CNTN3: variants seen among roughly 807,000 people sequenced by gnomAD.
The protein encoded by CNTN3 is contactin 3.
Under a neutral mutation model 119.1 loss-of-function variants are expected in CNTN3, and 60 were observed. The ratio of observed to expected loss-of-function variants is 0.50; its 90% CI spans 0.41 to 0.62. The LOEUF is 0.62. Ranked by LOEUF, CNTN3 falls within the 20% of genes least tolerant of loss-of-function variation. The probability of loss-of-function intolerance (pLI) is 0.00; values close to 1 mark genes in which losing one functional copy is unlikely to be tolerated. For missense variants in CNTN3, 1,101 were observed against 1,242.4 expected (o/e 0.89, Z 1.71); for synonymous variants, 450 against 438.7 (o/e 1.03, Z -0.32).
At chr3:74,295,361 C>T (rs1702317756) in intron 18 of CNTN3, 125 bp from the exon 19 acceptor site, 9 of 564,130 alleles carry the variant, frequency 1.6e-5, no homozygotes. Context: ...TATTCTGGCA[C>T]CATATGTTGA....
chr3:74,548,923 G>A (rs895481852), intron 1 of CNTN3, among the ~76,000 whole-genome samples: 1 of 152,134 alleles, frequency 6.6e-6, no homozygotes, highest in Non-Finnish European at 1.5e-5. Flanking sequence ...TCTTACCCTA[G>A]GGATATGGTA....
At chr3:74,425,030 AT>A in intron 4 of CNTN3, 90 bp from the exon 5 acceptor site, 1 of 845,058 alleles carries the variant, frequency 1.2e-6, no homozygotes, top group Non-Finnish European at 1.8e-6. Context: ...TTAGAAAACA[AT>A]TTTAGTTTTT....
chr3:74,450,845 T>C (rs1702139545), intron 4 of CNTN3, among the ~76,000 whole-genome samples: 1 of 152,002 alleles, frequency 6.6e-6, no homozygotes, highest in Non-Finnish European at 1.5e-5. Flanking sequence ...CATGAACTCA[T>C]CATTTTTTAT....
rs182111316 is a variant in CNTN3, at chr3:74,536,025, A to T, written c.-80-14833T>A. Among the ~76,000 whole-genome samples, 358 of 152,224 alleles carry T rather than the reference A, an allele frequency of 2.4e-3. 3 individuals carry two copies. Among genetic ancestry groups the T allele is most frequent in the African/African-American group, 7.6e-3 (314 of 41,548 alleles). On this transcript the variant is annotated intron_variant, in intron 1 of 22. Transcript: ENST00000263665. ...CCTCTATTCAGGAATAAAATTTTTT[A>T]AAAAAATTTCTTACTCTTTTTACTG...
At chr3:74,534,886 T>G (rs1192203814) in intron 1 of CNTN3, among the ~76,000 whole-genome samples, 2 of 151,984 alleles carry the variant, frequency 1.3e-5, no homozygotes, top group African/African-American at 4.8e-5. Flanking sequence ...TTAAACCTCT[T>G]TAGACTTTAA....
At chr3:74,480,441 G>A (rs7431887) in intron 4 of CNTN3, among the ~76,000 whole-genome samples, 18,954 of 151,944 alleles carry the variant, frequency 0.12, 1,176 homozygotes, top group Non-Finnish European at 0.13. Flanking sequence ...GGTGGTGGTA[G>A]GAGAGTGTTG....
At chr3:74,562,834 C>T (rs1237493884) in intron 1 of CNTN3, among the ~76,000 whole-genome samples, 2 of 151,894 alleles carry the variant, frequency 1.3e-5, no homozygotes, top group African/African-American at 4.8e-5. Flanking sequence ...AAAAAAAATA[C>T]TGTATTTGAC....
rs1702001187 is a variant in CNTN3, at chr3:74,443,580, C to A, written c.359-18640G>T. Among the ~76,000 whole-genome samples the A allele has an allele frequency of 2.6e-5, 4 of 152,238 alleles. No homozygotes were observed. The South Asian group carries it at 6.2e-4, about 24-fold the overall frequency. ...CTTTCTCTCTGCACCATCTCTCCAT[C>A]CCCTGTGGCACATCTGCACTTCAGT... On this transcript the variant is annotated intron_variant, in intron 4 of 22. Transcript: ENST00000263665.
intron 2 of CNTN3, among the ~76,000 whole-genome samples, chr3:74,518,423 T>A (rs1198746435): frequency 6.6e-6 from 1 of 151,914 alleles, no homozygotes; most frequent in Non-Finnish European, 1.5e-5. Context: ...ATCAGTGACA[T>A]CTCCATTCCA....
chr3:74,418,604 A>C (rs1168675212), intron 5 of CNTN3, among the ~76,000 whole-genome samples: 1 of 151,488 alleles, frequency 6.6e-6, no homozygotes, highest in South Asian at 2.1e-4. Context: ...GCTTCCCAAA[A>C]TGTTAGGATT....
intron 2 of CNTN3, among the ~76,000 whole-genome samples, chr3:74,514,637 T>C (rs890502854): frequency 3.3e-5 from 5 of 152,126 alleles, no homozygotes; most frequent in Admixed American, 6.6e-5. Context: ...CAGATGCTTA[T>C]ATATGTAGGG....
intron 13 of CNTN3, among the ~76,000 whole-genome samples, chr3:74,331,911 G>C (rs1481894963): frequency 6.6e-6 from 1 of 152,250 alleles, no homozygotes; most frequent in East Asian, 1.9e-4. Flanking sequence ...AATTATTGGA[G>C]CTTTCTGAGC....
At chr3:74,354,326 T>C (rs1703884450) in intron 11 of CNTN3, among the ~76,000 whole-genome samples, 1 of 152,136 alleles carries the variant, frequency 6.6e-6, no homozygotes, top group Non-Finnish European at 1.5e-5. Flanking sequence ...AGCAATAGCA[T>C]TCAAATGAAG....
chr3:74,478,479 C>G (rs138908672), intron 4 of CNTN3, among the ~76,000 whole-genome samples: 3,372 of 152,266 alleles, frequency 0.022, 62 homozygotes, highest in Non-Finnish European at 0.034. Context: ...TGTATGCACA[C>G]TGGATTCTGC....
rs72894313 is a variant in CNTN3, at chr3:74,322,048, T to A, written c.1668+12687A>T. Among the ~76,000 whole-genome samples the A allele has an allele frequency of 7.9e-3, 1,198 of 151,580 alleles. 13 individuals are homozygous for A. Among genetic ancestry groups the A allele is most frequent in the African/African-American group, 0.027 (1,134 of 41,306 alleles). On this transcript the variant is annotated intron_variant, in intron 13 of 22. Transcript: ENST00000263665. ...TAAAAATACAAAAATTAGCCAGGTG[T>A]GGTGGTACACAGTTGTAGTCCCAGC...
intron 20 of CNTN3, among the ~76,000 whole-genome samples, chr3:74,271,216 A>G (rs1701769143): frequency 1.3e-5 from 2 of 152,284 alleles, no homozygotes; most frequent in Middle Eastern, 3.4e-3. Context: ...GGCTAAATAA[A>G]TTGTGGCGTT....
chr3:74,309,965 T>C (rs1265490919), intron 13 of CNTN3, among the ~76,000 whole-genome samples: 4 of 152,218 alleles, frequency 2.6e-5, no homozygotes, highest in African/African-American at 4.8e-5. Flanking sequence ...TAATTCAACA[T>C]GGTGATAAAT....
chr3:74,585,448 G>C (rs1047956596), intron 1 of CNTN3, among the ~76,000 whole-genome samples: 4 of 152,150 alleles, frequency 2.6e-5, no homozygotes, highest in Admixed American at 2.6e-4. Context: ...ATTGACATTT[G>C]TGGGCTTAAA....
intron 4 of CNTN3, among the ~76,000 whole-genome samples, chr3:74,475,376 G>C (rs1490674233): frequency 6.6e-6 from 1 of 152,146 alleles, no homozygotes; most frequent in Non-Finnish European, 1.5e-5. Flanking sequence ...GTGGTTGCTG[G>C]AACAGTGTAA....
Sources: allele counts gnomAD v4.1 joint callset (sites outside exome capture counted in the v4.1 genomes callset), GRCh38; gene constraint gnomAD v4.1.1; transcripts MANE v1.5; gene names NCBI Gene and HGNC (gene_info 2026-07-23, HGNC 2026-07-21).